The following GAS2 variants were observed in gnomAD, a reference collection of about 807,000 sequenced individuals.
GAS2 encodes growth arrest-specific protein 2.
A neutral mutation model predicts 37.5 loss-of-function variants in GAS2; 20 were observed. That is an observed-to-expected ratio of 0.53 (90% CI 0.37 to 0.77). The LOEUF is 0.77. Among genes scored for constraint, GAS2 ranks in the 30% least tolerant of loss-of-function variants. The pLI, the probability that GAS2 is intolerant of heterozygous loss-of-function variation, is 0.00. For synonymous variants in GAS2, 144 were observed against 132.2 expected (o/e 1.09, Z -0.61); for missense variants, 336 against 373.4 (o/e 0.90, Z 0.82).
At chr11:22,779,055 T>TG (rs1855413033) in intron 7 of GAS2, among the ~76,000 whole-genome samples, 1 of 151,774 alleles carries the variant, frequency 6.6e-6, no homozygotes, top group South Asian at 2.1e-4. Flanking sequence ...GTTTTTTTTT[T>TG]TTTCTCTTCA....
At chr11:22,710,573 GAC>G (rs1164508220) in intron 3 of GAS2, among the ~76,000 whole-genome samples, 1 of 151,832 alleles carries the variant, frequency 6.6e-6, no homozygotes, top group Non-Finnish European at 1.5e-5. Flanking sequence ...CTGTGGAAGA[GAC>G]AGAAAAACTG....
chr11:22,774,430 T>C (rs1018539568), intron 7 of GAS2, among the ~76,000 whole-genome samples: 1 of 152,256 alleles, frequency 6.6e-6, no homozygotes, highest in Non-Finnish European at 1.5e-5. Context: ...ACATGATCTC[T>C]TTCTGATTTT....
chr11:22,753,336 G>T (rs1282894194), intron 6 of GAS2, among the ~76,000 whole-genome samples: 1 of 151,980 alleles, frequency 6.6e-6, no homozygotes. Context: ...TACAAAAACA[G>T]CCCTTGACTT....
At chr11:22,709,929 G>A (rs972352831) in intron 3 of GAS2, among the ~76,000 whole-genome samples, 11 of 149,326 alleles carry the variant, frequency 7.4e-5, no homozygotes, top group Admixed American at 5.4e-4. Context: ...ACCAAACACC[G>A]CATGTTCTCA....
rs1048766077 is a variant in GAS2, at chr11:22,650,400, T to G, written c.-20-24450T>G. On this transcript the variant is annotated intron_variant, in intron 1 of 5. Coordinates refer to the GAS2 transcript ENST00000528582. ...TGAAAAAAATGTATATTCTGTTGAT[T>G]TGGGGTGGAGAGTTCTGTAGATGTC... Among the ~76,000 whole-genome samples the G allele has an allele frequency of 2.1e-3, 325 of 152,050 alleles. 4 individuals are homozygous for G. Among genetic ancestry groups the G allele is most frequent in the Non-Finnish European group, 3.2e-3 (218 of 67,962 alleles).
intron 7 of GAS2, among the ~76,000 whole-genome samples, chr11:22,771,074 G>T (rs1854953111): frequency 6.6e-6 from 1 of 151,876 alleles, no homozygotes; most frequent in Admixed American, 6.6e-5. Context: ...TGGGCACTCA[G>T]AAGTTAATAT....
chr11:22,671,211 G>T (rs1849186930), intron 1 of GAS2, among the ~76,000 whole-genome samples: 5 of 151,900 alleles, frequency 3.3e-5, no homozygotes, highest in Admixed American at 3.3e-4. Flanking sequence ...ACTATGGAAA[G>T]AAAGAAAAAA....
intron 7 of GAS2, among the ~76,000 whole-genome samples, chr11:22,763,452 A>G (rs1179794330): frequency 6.6e-6 from 1 of 152,196 alleles, no homozygotes; most frequent in Non-Finnish European, 1.5e-5. Context: ...TTCAAATTTC[A>G]TATTTTTCCT....
chr11:22,635,086 A>T (rs1285072762), intron 1 of GAS2, among the ~76,000 whole-genome samples: 1 of 152,152 alleles, frequency 6.6e-6, no homozygotes, highest in Non-Finnish European at 1.5e-5. Flanking sequence ...AGCTGCAGTG[A>T]TAGTGATGGG....
intron 5 of GAS2, among the ~76,000 whole-genome samples, chr11:22,743,961 T>G (rs1330388775): frequency 1.3e-5 from 2 of 152,028 alleles, no homozygotes; most frequent in Non-Finnish European, 2.9e-5. Flanking sequence ...AGGATGACAC[T>G]GTGATTGATC....
intron 3 of GAS2, among the ~76,000 whole-genome samples, chr11:22,696,827 T>C (rs1364329091): frequency 2.0e-5 from 3 of 151,770 alleles, no homozygotes; most frequent in African/African-American, 7.3e-5. Flanking sequence ...GAGTTCATTG[T>C]AGATTCTGGA....
intron 3 of GAS2, among the ~76,000 whole-genome samples, chr11:22,692,754 A>G (rs1156886654): frequency 6.6e-6 from 1 of 152,130 alleles, no homozygotes; most frequent in African/African-American, 2.4e-5. Context: ...TTCCTTTCAC[A>G]TACTCAATGG....
chr11:22,742,479 T>C (rs1853142662), intron 5 of GAS2, among the ~76,000 whole-genome samples: 2 of 152,148 alleles, frequency 1.3e-5, no homozygotes, highest in African/African-American at 4.8e-5. Flanking sequence ...GGGAATTTTG[T>C]GATTTACAAT....
chr11:22,659,973 A>T (rs970230044), intron 1 of GAS2, among the ~76,000 whole-genome samples: 1 of 152,126 alleles, frequency 6.6e-6, no homozygotes, highest in Admixed American at 6.6e-5. Context: ...TGTTGCTTCA[A>T]ATAAGTTGCT....
intron 7 of GAS2, among the ~76,000 whole-genome samples, chr11:22,771,174 T>G (rs1854960428): frequency 6.6e-6 from 1 of 152,134 alleles, no homozygotes; most frequent in Non-Finnish European, 1.5e-5. Flanking sequence ...ATCTCAGATC[T>G]ATTGTGGGTG....
chr11:22,717,209 G>A (rs1851722210), intron 3 of GAS2, among the ~76,000 whole-genome samples: 1 of 152,044 alleles, frequency 6.6e-6, no homozygotes, highest in Admixed American at 6.6e-5. Flanking sequence ...TAAGCAAAAA[G>A]AACAAATCCG....
chr11:22,648,351 G>A (rs1446922934), intron 1 of GAS2, among the ~76,000 whole-genome samples: 1 of 152,204 alleles, frequency 6.6e-6, no homozygotes, highest in Non-Finnish European at 1.5e-5. Context: ...TTGAAGTCAG[G>A]TAGTGTGATG....
chr11:22,696,236 T>A (rs1850508855), intron 3 of GAS2, among the ~76,000 whole-genome samples: 2 of 151,686 alleles, frequency 1.3e-5, no homozygotes, highest in Non-Finnish European at 2.9e-5. Flanking sequence ...AATGATGATT[T>A]CCAATTTCAT....
intron 7 of GAS2, among the ~76,000 whole-genome samples, chr11:22,792,914 A>T (rs1856240401): frequency 6.6e-6 from 1 of 152,230 alleles, no homozygotes; most frequent in Non-Finnish European, 1.5e-5. Flanking sequence ...TTTGGAATTC[A>T]GAATAGGTCA....
Sources: allele counts gnomAD v4.1 joint callset (sites outside exome capture counted in the v4.1 genomes callset), GRCh38; gene constraint gnomAD v4.1.1; transcripts MANE v1.5; gene names NCBI Gene and HGNC (gene_info 2026-07-23, HGNC 2026-07-21).